PAM: variants seen among roughly 807,000 people sequenced by gnomAD.
The protein encoded by PAM is peptidylglycine alpha-amidating monooxygenase.
A neutral mutation model predicts 122.1 loss-of-function variants in PAM; 72 were observed. That is an observed-to-expected ratio of 0.59 (90% CI 0.49 to 0.72). The LOEUF is 0.72. PAM is among the 30% of genes least tolerant of loss of function. The pLI, the probability that PAM is intolerant of heterozygous loss-of-function variation, is 0.00. For synonymous variants in PAM, 389 were observed against 404.4 expected (o/e 0.96, Z 0.46); for missense variants, 1,106 against 1,183.7 (o/e 0.93, Z 0.96).
intron 7 of PAM, among the ~76,000 whole-genome samples, chr5:102,931,832 CTG>C (rs1329938084): frequency 2.0e-5 from 3 of 151,814 alleles, no homozygotes; most frequent in Non-Finnish European, 1.5e-5. Flanking sequence ...CTCTCTCTCT[CTG>C]TCTCTCTCGG....
At chr5:102,941,677 C>G (rs953817555) in intron 7 of PAM, among the ~76,000 whole-genome samples, 6 of 151,670 alleles carry the variant, frequency 4.0e-5, no homozygotes, top group Non-Finnish European at 8.8e-5. Flanking sequence ...TTTGAAGGAA[C>G]TAATTTTTAA....
intron 16 of PAM, among the ~76,000 whole-genome samples, chr5:103,000,273 T>C (rs1777012186): frequency 6.6e-6 from 1 of 152,214 alleles, no homozygotes; most frequent in South Asian, 2.1e-4. Flanking sequence ...ACAGTCTGTT[T>C]GCTAAAACAT....
intron 4 of PAM, among the ~76,000 whole-genome samples, chr5:102,907,937 A>T (rs1800107075): frequency 6.6e-6 from 1 of 150,652 alleles, no homozygotes; most frequent in South Asian, 2.1e-4. Flanking sequence ...GTTCACTCTG[A>T]TGGTAGTTTC....
intron 3 of PAM, among the ~76,000 whole-genome samples, chr5:102,869,755 C>T (rs964214242): frequency 6.6e-6 from 1 of 152,008 alleles, no homozygotes; most frequent in South Asian, 2.1e-4. Flanking sequence ...AGACCAAGAG[C>T]TCTGATGCCG....
chr5:102,761,705 T>C (rs970925587), intron 1 of PAM, among the ~76,000 whole-genome samples: 6 of 152,248 alleles, frequency 3.9e-5, no homozygotes, highest in Admixed American at 1.3e-4. Context: ...GTTTAGAATA[T>C]TTTAAAGATA....
chr5:102,960,914 A>G (rs568573352), intron 13 of PAM, among the ~76,000 whole-genome samples: 7 of 138,806 alleles, frequency 5.0e-5, no homozygotes, highest in African/African-American at 1.9e-4. Context: ...TATCATTTAT[A>G]TATTATTGAA....
intron 1 of PAM, among the ~76,000 whole-genome samples, chr5:102,798,974 G>A (rs1292248865): frequency 2.0e-5 from 3 of 152,160 alleles, no homozygotes; most frequent in Non-Finnish European, 4.4e-5. Flanking sequence ...GTAAATTAAT[G>A]TATATGAATC....
intron 1 of PAM, among the ~76,000 whole-genome samples, chr5:102,771,114 C>T (rs1284348351): frequency 3.3e-5 from 5 of 152,050 alleles, no homozygotes; most frequent in African/African-American, 7.2e-5. Context: ...AGCCAGTTTT[C>T]GTTAAGCATT....
chr5:102,798,342 A>G (rs1763884171), intron 1 of PAM, among the ~76,000 whole-genome samples: 1 of 152,208 alleles, frequency 6.6e-6, no homozygotes, highest in Admixed American at 6.5e-5. Context: ...AGGGAGGAAT[A>G]TTGTTTGTGA....
intron 14 of PAM, among the ~76,000 whole-genome samples, chr5:102,964,845 G>A (rs1385212734): frequency 6.6e-6 from 1 of 151,684 alleles, no homozygotes; most frequent in Non-Finnish European, 1.5e-5. Context: ...ATTGGCAAGA[G>A]TGATTTTTAA....
chr5:102,838,119 T>C (rs1472461758), intron 1 of PAM: 1 of 152,208 alleles, frequency 6.6e-6, no homozygotes, highest in East Asian at 1.9e-4. Context: ...TGCCATTTTC[T>C]CTTTGTTAAT....
At chr5:102,923,576 C>G (rs184528655) in intron 5 of PAM, among the ~76,000 whole-genome samples, 2 of 152,280 alleles carry the variant, frequency 1.3e-5, no homozygotes, top group East Asian at 3.9e-4. Flanking sequence ...TGGATTAAAT[C>G]CAATTCAATA....
intron 3 of PAM, among the ~76,000 whole-genome samples, chr5:102,885,779 G>A (rs1792874546): frequency 1.3e-5 from 2 of 152,000 alleles, no homozygotes; most frequent in East Asian, 1.9e-4. Context: ...AATGGGCACA[G>A]TAAGCTGGGA....
chr5:102,923,940 G>A (rs1748380195), intron 5 of PAM, among the ~76,000 whole-genome samples: 1 of 152,140 alleles, frequency 6.6e-6, no homozygotes, highest in South Asian at 2.1e-4. Flanking sequence ...GTACTTTGAA[G>A]TTTATAAAGT....
intron 1 of PAM, among the ~76,000 whole-genome samples, chr5:102,826,252 C>G (rs1183726488): frequency 6.6e-6 from 1 of 152,076 alleles, no homozygotes; most frequent in Non-Finnish European, 1.5e-5. Flanking sequence ...TACTTTCTTA[C>G]AAATAACTTT....
chr5:102,803,526 G>A (rs529790509), intron 1 of PAM, among the ~76,000 whole-genome samples: 11 of 152,268 alleles, frequency 7.2e-5, no homozygotes, highest in Non-Finnish European at 1.6e-4. Flanking sequence ...ATGAGAAGCA[G>A]TAGAGGTCCA....
In PAM at chr5:102,940,134, A is replaced by G. The variant is rs1581934766; in HGVS notation, c.527-6703A>G. 2.6e-5 allele frequency among the ~76,000 whole-genome samples: 4 copies of G among 150,950 alleles called. No homozygotes were observed. In the East Asian group the frequency reaches 7.7e-4, roughly 29 times the overall value. On this transcript the variant is annotated intron_variant, in intron 7 of 25. Transcript: ENST00000438793. Reference sequence around the variant, plus strand: ...TATACATACACACACACACACACACACACACACACACACACATACACACAC... The same window carrying G: ...TATACATACACACACACACACACACGCACACACACACACACATACACACAC...
intron 7 of PAM, among the ~76,000 whole-genome samples, chr5:102,938,376 G>A (rs547296716): frequency 3.9e-5 from 6 of 152,276 alleles, no homozygotes; most frequent in African/African-American, 1.4e-4. Context: ...GAGAAGATAT[G>A]TAAAGCACTA....
chr5:102,888,270 A>G (rs1301215667), intron 3 of PAM, among the ~76,000 whole-genome samples: 1 of 151,678 alleles, frequency 6.6e-6, no homozygotes, highest in South Asian at 2.1e-4. Flanking sequence ...AGACAGCAAC[A>G]CTTCCTGGTC....
Sources: allele counts gnomAD v4.1 joint callset (sites outside exome capture counted in the v4.1 genomes callset), GRCh38; gene constraint gnomAD v4.1.1; transcripts MANE v1.5; gene names NCBI Gene and HGNC (gene_info 2026-07-23, HGNC 2026-07-21).